MKNK2: variants seen among roughly 807,000 people sequenced by gnomAD.
The protein encoded by MKNK2 is MAP kinase-interacting serine/threonine-protein kinase 2.
Under a neutral mutation model 55.0 loss-of-function variants are expected in MKNK2, and 54 were observed. The observed-to-expected ratio is 0.98, with a 90% confidence interval of 0.79 to 1.23. The LOEUF (loss-of-function observed/expected upper bound fraction) is 1.23. MKNK2 is among the 50% of genes most tolerant of loss of function. The pLI is 0.00. For missense variants in MKNK2, 685 were observed against 632.1 expected, an observed-to-expected ratio of 1.08 and a Z score of -0.90; for synonymous variants, 323 against 256.0, an observed-to-expected ratio of 1.26 and a Z score of -2.50.
chr19:2,042,499 G>C lies in MKNK2; in HGVS notation c.678C>G (p.Asp226Glu). 6.3e-7 allele frequency: 1 copy of C among 1,597,552 alleles called. No individual in the cohort carries two copies. Among genetic ancestry groups the C allele is most frequent in the Non-Finnish European group, 8.5e-7 (1 of 1,173,478 alleles). Residue 226 changes from aspartate to glutamate, a missense_variant, in exon 10 of 14, where the codon GAC becomes GAG. Transcript: ENST00000250896. ...PNQVSPVKIC[D>E]FDLGSGIKLN... is the part of the protein sequence containing the mutation. ...GTTTGATGCCGCTGCCCAGGTCGAA[G>C]TCACAGATCTTCACGGGGGAGACCT... is the stretch of plus-strand genomic sequence containing the variant.
At chr19:2,041,454 G>A (rs2016880281) in intron 11 of MKNK2, among the ~76,000 whole-genome samples, 2 of 152,126 alleles carry the variant, frequency 1.3e-5, no homozygotes, top group African/African-American at 2.4e-5. Flanking sequence ...GCCTTAAGCC[G>A]CGGGCAGGGA....
At position 2,043,499 on chromosome 19, in the gene MKNK2, C is replaced by T. The variant is rs2016936903; in HGVS notation, c.419+4G>A. 1 of 1,613,462 alleles carries T rather than the reference C, an allele frequency of 6.2e-7. No homozygotes were observed. The highest frequency in any genetic ancestry group is 1.6e-4 in the Middle Eastern group (1 of 6,062). ...CAGTGCGGTGGCAAGGGTGGCTCAC[C>T]TACCTGTGTCCCTGGCACTGGTACA... On this transcript the variant is annotated splice_donor_region_variant and intron_variant, in intron 6 of 13. Transcript: ENST00000250896.
chr19:2,041,348 G>T, intron 11 of MKNK2, 144 bp from the exon 12 acceptor site: 1 of 794,878 alleles, frequency 1.3e-6, no homozygotes, highest in South Asian at 1.8e-5. Flanking sequence ...GCTGGGAGCC[G>T]GACCAGGAGA....
rs757439902 is a variant in MKNK2 at position 2,041,153 on chromosome 19, C to A, written c.997G>T (p.Asp333Tyr). The A allele has an allele frequency of 1.9e-6, 3 of 1,614,008 alleles. No homozygotes were observed. Among genetic ancestry groups the A allele is most frequent in the Non-Finnish European group, 8.5e-7 (1 of 1,179,944 alleles). ...GCAGCGCAGGAGATGTGGGCCCAGTCCTTGTCGGGGAACTCGTACTTGCCC... is the reference window on the plus strand; with the variant it reads ...GCAGCGCAGGAGATGTGGGCCCAGTACTTGTCGGGGAACTCGTACTTGCCC... The part of the protein sequence containing the change: ...QEGKYEFPDK[D>Y]WAHISCAAKD... Residue 333 changes from aspartate (D) to tyrosine (Y), a missense_variant, in exon 12 of 14, where the codon GAC becomes TAC. Asp to Tyr is a radical substitution (Grantham distance 160, BLOSUM62 -3). Coordinates refer to ENST00000250896, the MANE Select transcript of MKNK2 (RefSeq NM_199054.3).
chr19:2,046,178 G>A lies in MKNK2; in HGVS notation c.339+8C>T, dbSNP rs367655851. 101 of 1,607,528 alleles carry A rather than the reference G, an allele frequency of 6.3e-5. No homozygotes were observed. Among genetic ancestry groups the A allele is most frequent in the South Asian group, 4.3e-4 (39 of 91,084 alleles). ...CGCTGGGTTCCCCAGGGCGCGGCGC[G>A]GGCCCACCTTGACGGCGTACTCCTG... On this transcript the variant is annotated splice_region_variant and intron_variant, in intron 5 of 13. Transcript: ENST00000250896.
Position 2,041,176 on chromosome 19 carries a change from C to T in MKNK2, c.974G>A (p.Gly325Asp), listed in dbSNP as rs1255034347. 3 of 1,613,676 alleles carry T rather than the reference C, an allele frequency of 1.9e-6. No homozygotes were observed. Among genetic ancestry groups the T allele is most frequent in the Non-Finnish European group, 2.5e-6 (3 of 1,179,788 alleles). ...QNMLFESIQEGKYEFPDKDWA... is the reference protein window; with the variant it reads ...QNMLFESIQEDKYEFPDKDWA... ...GTCCTTGTCGGGGAACTCGTACTTG[C>T]CCTCCTGGATGCTCTCAAACAGCAT... Residue 325 changes from glycine to aspartate, a missense_variant, in exon 12 of 14, where the codon GGC becomes GAC. Coordinates refer to ENST00000250896, the MANE Select transcript of MKNK2 (RefSeq NM_199054.3).
chr19:2,038,601 C>T lies in MKNK2; in HGVS notation c.*1012G>A, dbSNP rs888390566. 5 of 985,216 alleles carry T rather than the reference C, an allele frequency of 5.1e-6. No individual in the cohort carries two copies. In the African/African-American group the frequency reaches 5.2e-5, roughly 10 times the overall value. 61.0% of individuals were successfully genotyped at this position (985,216 alleles called of 1,614,324 possible). Reference sequence around the variant, plus strand: ...TGGGGGTGAGGATTCGGCCAGACCCCGGGGTCTGGGCTCAGCTCTAAGGAC... The same window carrying T: ...TGGGGGTGAGGATTCGGCCAGACCCTGGGGTCTGGGCTCAGCTCTAAGGAC... On this transcript the variant is annotated 3_prime_UTR_variant, in exon 14 of 14. Transcript: ENST00000250896.
Position 2,039,472 on chromosome 19 carries a change from C to T in MKNK2, c.*141G>A. 4.3e-6 allele frequency: 6 copies of T among 1,400,374 alleles called. No individual in the cohort carries two copies. Among genetic ancestry groups the T allele is most frequent in the Non-Finnish European group, 5.6e-6 (6 of 1,077,160 alleles). The allele number at this position is 1,400,374 out of a possible 1,614,324, so 86.7% of individuals were successfully genotyped here. A position where few individuals can be genotyped will look rare whatever the true frequency, so the allele number is the denominator to read the frequency against. On this transcript the variant is annotated 3_prime_UTR_variant, in exon 14 of 14. Coordinates refer to ENST00000250896, the MANE Select transcript of MKNK2 (RefSeq NM_199054.3). Reference sequence around the variant, plus strand: ...CCAAAAGCAAAAACCTTCTATAAAACACCCCCCTCAGCTGAGCTTAGTGCC... The same window carrying T: ...CCAAAAGCAAAAACCTTCTATAAAATACCCCCCTCAGCTGAGCTTAGTGCC...
intron 5 of MKNK2, among the ~76,000 whole-genome samples, chr19:2,045,547 C>T (rs1294591294): frequency 1.3e-5 from 2 of 152,110 alleles, no homozygotes; most frequent in African/African-American, 2.4e-5. Flanking sequence ...CAGAGGAAAG[C>T]TCTAGCCTGG....
Position 2,037,811 on chromosome 19 carries a change from G to T in MKNK2, c.*1802C>A, listed in dbSNP as rs775781927. 6.2e-7 allele frequency: 1 copy of T among 1,600,872 alleles called. No homozygotes were observed. Among genetic ancestry groups the T allele is most frequent in the Non-Finnish European group, 8.5e-7 (1 of 1,172,828 alleles). ...GGATGCGACAGGGGTGGGGAGGGAG[G>T]AGGAAGTGACTGTCCCACCTTCAGA... On this transcript the variant is annotated 3_prime_UTR_variant, in exon 14 of 14. Coordinates refer to ENST00000250896, the MANE Select transcript of MKNK2 (RefSeq NM_199054.3).
chr19:2,040,243 G>T, intron 12 of MKNK2, 66 bp from the exon 13 acceptor site: 4 of 1,377,410 alleles, frequency 2.9e-6, no homozygotes, highest in East Asian at 2.4e-5. Flanking sequence ...GCTGGGTGGG[G>T]TGTCTGGCCA....
At chr19:2,045,699 T>C (rs1372876023) in intron 5 of MKNK2, among the ~76,000 whole-genome samples, 1 of 152,106 alleles carries the variant, frequency 6.6e-6, no homozygotes, top group Non-Finnish European at 1.5e-5. Context: ...CTGGAAGATT[T>C]CTTGGAACAC....
Position 2,038,575 on chromosome 19 carries a change from C to T in MKNK2, c.*1038G>A. On this transcript the variant is annotated 3_prime_UTR_variant, in exon 14 of 14. Transcript: ENST00000250896. ...AAGGTGGCAGACCAAAAACACTGCC[C>T]TGGGGGTGAGGATTCGGCCAGACCC... The T allele has an allele frequency of 5.1e-6, 5 of 985,466 alleles. No individual in the cohort carries two copies. Among genetic ancestry groups the T allele is most frequent in the Non-Finnish European group, 6.0e-6 (5 of 829,960 alleles). 61.0% of individuals were successfully genotyped at this position (985,466 alleles called of 1,614,324 possible).
Position 2,050,873 on chromosome 19 carries a change from C to T in MKNK2, c.-22G>A. The T allele has an allele frequency of 6.6e-7, 1 of 1,504,702 alleles. No homozygotes were observed. The allele number at this position is 1,504,702 out of a possible 1,614,324, so 93.2% of individuals were successfully genotyped here. A position where few individuals can be genotyped will look rare whatever the true frequency, so the allele number is the denominator to read the frequency against. ...CCATCTTCTGTCCGGGCCCCGCCAG[C>T]GGGGGAGGGGACCGAGGGCCCGGGG... is the stretch of plus-strand genomic sequence containing the variant. On this transcript the variant is annotated 5_prime_UTR_variant, in exon 2 of 14. Transcript: ENST00000250896.
In MKNK2 at chr19:2,046,288, C is replaced by T. The variant is rs776467634; in HGVS notation, c.242-5G>A. 34 of 1,603,712 alleles carry T rather than the reference C, an allele frequency of 2.1e-5. No homozygotes were observed. Among genetic ancestry groups the T allele is most frequent in the African/African-American group, 1.1e-4 (8 of 74,924 alleles). ...CTTCCTGCAGCTGGTAGACGTCTGCCGGGCAGCGGGGCGGGCGTGAGAGGG... is the reference window on the plus strand; with the variant it reads ...CTTCCTGCAGCTGGTAGACGTCTGCTGGGCAGCGGGGCGGGCGTGAGAGGG... On this transcript the variant is annotated splice_region_variant and splice_polypyrimidine_tract_variant and intron_variant, in intron 4 of 13. Coordinates refer to ENST00000250896, the MANE Select transcript of MKNK2 (RefSeq NM_199054.3).
chr19:2,040,315 C>T, intron 12 of MKNK2, 138 bp from the exon 13 acceptor site: 2 of 747,572 alleles, frequency 2.7e-6, no homozygotes, highest in South Asian at 1.9e-5. Context: ...CACCTGGGTG[C>T]CCCGGGAGCC....
intron 5 of MKNK2, among the ~76,000 whole-genome samples, chr19:2,044,101 G>A (rs1414090141): frequency 6.6e-6 from 1 of 151,792 alleles, no homozygotes; most frequent in Non-Finnish European, 1.5e-5. Flanking sequence ...GGACGTGAGG[G>A]TTCCCTGCCC....
chr19:2,041,221 C>G lies in MKNK2; in HGVS notation c.946-17G>C. On this transcript the variant is annotated splice_polypyrimidine_tract_variant and intron_variant, in intron 11 of 13. Coordinates refer to ENST00000250896, the MANE Select transcript of MKNK2 (RefSeq NM_199054.3). ...CAGCATGTTCTGGGGACATAGAACA[C>G]AGGGGAGCTTAGACCTGCCCAAGGG... is the stretch of plus-strand genomic sequence containing the variant. 6.2e-7 allele frequency: 1 copy of G among 1,605,052 alleles called. No homozygotes were observed. The highest frequency in any genetic ancestry group is 1.1e-5 in the South Asian group (1 of 89,662).
intron 5 of MKNK2, 80 bp downstream of exon 5, chr19:2,046,106 G>A (rs935317555): frequency 5.8e-6 from 8 of 1,387,706 alleles, no homozygotes; most frequent in East Asian, 2.3e-5. Flanking sequence ...ACGGACAGCC[G>A]GAATGCCACA....
Sources: gnomAD v4.1 joint callset for allele counts (sites outside exome capture counted in the v4.1 genomes callset) on GRCh38, gnomAD v4.1.1 for gene constraint, MANE v1.5 for transcripts, NCBI Gene and HGNC (gene_info 2026-07-23, HGNC 2026-07-21) for gene names.